TAOK3: variants seen among roughly 807,000 people sequenced by gnomAD.
TAOK3 encodes TAO kinase 3.
TAOK3 carries 40 observed loss-of-function variants against 120.4 expected under a neutral mutation model. The observed-to-expected ratio is 0.33, with a 90% confidence interval of 0.26 to 0.43. The LOEUF (loss-of-function observed/expected upper bound fraction) is 0.43. Ranked by LOEUF, TAOK3 falls within the 20% of genes least tolerant of loss-of-function variation. TAOK3 has a pLI of 1.00. For synonymous variants in TAOK3, 355 were observed against 387.5 expected (o/e 0.92, Z 0.99); for missense variants, 821 against 1,112.1 (o/e 0.74, Z 3.72).
At chr12:118,229,993 A>G (rs998841063) in intron 9 of TAOK3, among the ~76,000 whole-genome samples, 3 of 152,206 alleles carry the variant, frequency 2.0e-5, no homozygotes, top group Admixed American at 6.5e-5. Flanking sequence ...TTCTAAGCAT[A>G]TAATAGATAT....
intron 1 of TAOK3, among the ~76,000 whole-genome samples, chr12:118,316,879 C>T (rs1350905787): frequency 6.6e-6 from 1 of 152,114 alleles, no homozygotes; most frequent in East Asian, 1.9e-4. Context: ...AGAAAACAAT[C>T]TATAATAAGA....
intron 1 of TAOK3, among the ~76,000 whole-genome samples, chr12:118,361,380 A>C (rs1465288997): frequency 6.6e-6 from 1 of 152,202 alleles, no homozygotes; most frequent in African/African-American, 2.4e-5. Flanking sequence ...TGCTCCAAGA[A>C]AAATGTAAAA....
chr12:118,254,478 G>A (rs746717631), intron 3 of TAOK3, among the ~76,000 whole-genome samples: 6 of 151,126 alleles, frequency 4.0e-5, no homozygotes, highest in East Asian at 3.9e-4. Flanking sequence ...GCAAAAAATC[G>A]TATACGTAAT....
At chr12:118,332,008 A>G (rs1029320588) in intron 1 of TAOK3, among the ~76,000 whole-genome samples, 5 of 152,078 alleles carry the variant, frequency 3.3e-5, no homozygotes, top group Non-Finnish European at 5.9e-5. Flanking sequence ...TGTTTTTAGT[A>G]AAGGAGGGGT....
chr12:118,349,127 G>A (rs2045019936), intron 1 of TAOK3, among the ~76,000 whole-genome samples: 1 of 151,632 alleles, frequency 6.6e-6, no homozygotes, highest in South Asian at 2.1e-4. Context: ...CCTGACCTCA[G>A]GTGACCGCCC....
chr12:118,293,835 G>A (rs1177826057), intron 1 of TAOK3, among the ~76,000 whole-genome samples: 1 of 151,370 alleles, frequency 6.6e-6, no homozygotes, highest in Non-Finnish European at 1.5e-5. Context: ...CCCACATGGA[G>A]AAACCCTGTC....
chr12:118,174,546 T>A (rs2036203236), intron 16 of TAOK3, among the ~76,000 whole-genome samples: 1 of 152,166 alleles, frequency 6.6e-6, no homozygotes, highest in South Asian at 2.1e-4. Flanking sequence ...GTTCATGAAA[T>A]TTCCAAATAT....
At chr12:118,256,609 T>C (rs1045955575) in intron 2 of TAOK3, among the ~76,000 whole-genome samples, 3 of 152,216 alleles carry the variant, frequency 2.0e-5, no homozygotes, top group Non-Finnish European at 2.9e-5. Context: ...GCAACATGAA[T>C]GAACCTTGTA....
intron 1 of TAOK3, among the ~76,000 whole-genome samples, chr12:118,289,320 AAAC>A (rs1475943962): frequency 6.7e-6 from 1 of 150,008 alleles, no homozygotes; most frequent in Non-Finnish European, 1.5e-5. Flanking sequence ...AAAAAAAAGA[AAAC>A]AAAAGTGTTA....
rs945019120 is a variant in TAOK3 at position 118,220,024 on chromosome 12, C to T, written c.644-5914G>A. On this transcript the variant is annotated intron_variant, in intron 9 of 20. Transcript: ENST00000392533. ...TCACTCAAGCCATCCTTCTACCTCA[C>T]CCTCCCTAGTAGCCGCAGCTACAGG... Among the ~76,000 whole-genome samples, 4 of 151,586 alleles carry T rather than the reference C, an allele frequency of 2.6e-5. 1 individual carries two copies. Among genetic ancestry groups the T allele is most frequent in the Non-Finnish European group, 5.9e-5 (4 of 67,918 alleles).
chr12:118,215,182 T>C (rs1358320755), intron 9 of TAOK3, among the ~76,000 whole-genome samples: 13 of 142,696 alleles, frequency 9.1e-5, no homozygotes, highest in Middle Eastern at 7.1e-3. Context: ...CCCAGTCCCA[T>C]AATGAAACAT....
At chr12:118,328,611 C>A (rs1171975967) in intron 1 of TAOK3, among the ~76,000 whole-genome samples, 1 of 152,076 alleles carries the variant, frequency 6.6e-6, no homozygotes. Flanking sequence ...AAAACAAAAA[C>A]CACAGTTATT....
intron 9 of TAOK3, among the ~76,000 whole-genome samples, chr12:118,233,432 A>C (rs369189909): frequency 6.7e-6 from 1 of 148,298 alleles, no homozygotes; most frequent in Admixed American, 6.7e-5. Context: ...TAAATAAATA[A>C]ATACATAAAT....
chr12:118,169,797 T>C (rs1017447043), intron 17 of TAOK3, among the ~76,000 whole-genome samples: 1 of 151,828 alleles, frequency 6.6e-6, no homozygotes, highest in Non-Finnish European at 1.5e-5. Context: ...CTCTGCTCAC[T>C]GCAAGCTCCG....
chr12:118,171,549 G>T (rs1266529621), intron 17 of TAOK3, among the ~76,000 whole-genome samples: 2 of 152,110 alleles, frequency 1.3e-5, no homozygotes, highest in African/African-American at 2.4e-5. Context: ...TAGAGACGGG[G>T]TTTCACCATG....
At chr12:118,280,123 G>A (rs1294761394) in intron 1 of TAOK3, among the ~76,000 whole-genome samples, 44 of 141,574 alleles carry the variant, frequency 3.1e-4, no homozygotes, top group Non-Finnish European at 6.5e-4. Flanking sequence ...GTGCAGTGGC[G>A]CCATCTTAGC....
intron 1 of TAOK3, among the ~76,000 whole-genome samples, chr12:118,319,247 A>G (rs2043599156): frequency 6.6e-6 from 1 of 152,208 alleles, no homozygotes; most frequent in Non-Finnish European, 1.5e-5. Context: ...AATATTTTAA[A>G]AGCAAAAAAC....
Position 118,239,207 on chromosome 12 carries a change from T to C in TAOK3, c.340+20A>G. 4 of 1,486,710 alleles carry C rather than the reference T, an allele frequency of 2.7e-6. No individual in the cohort carries two copies. Among genetic ancestry groups the C allele is most frequent in the Non-Finnish European group, 3.8e-6 (4 of 1,065,762 alleles). The allele number at this position is 1,486,710 out of a possible 1,614,324, so 92.1% of individuals were successfully genotyped here. On this transcript the variant is annotated intron_variant, in intron 6 of 20. Transcript: ENST00000392533. The stretch of plus-strand genomic sequence containing the variant: ...GATCAAAGTAAAACAGAAAGGAGAG[T>C]TTAATTCCTTCTTTCTTACCTTCTA...
chr12:118,154,349 G>C (rs377654130), intron 19 of TAOK3, among the ~76,000 whole-genome samples: 22 of 152,282 alleles, frequency 1.4e-4, no homozygotes, highest in African/African-American at 4.3e-4. Flanking sequence ...TTCTGTACCA[G>C]CTCTGACTGA....
Sources: allele counts gnomAD v4.1 joint callset (sites outside exome capture counted in the v4.1 genomes callset), GRCh38; gene constraint gnomAD v4.1.1; transcripts MANE v1.5; gene names NCBI Gene and HGNC (gene_info 2026-07-23, HGNC 2026-07-21).